The following FAM228A variants were observed in gnomAD, a reference collection of about 807,000 sequenced individuals.
FAM228A encodes family with sequence similarity 228 member A.
FAM228A carries 13 observed loss-of-function variants against 18.6 expected under a neutral mutation model. The ratio of observed to expected loss-of-function variants is 0.70; its 90% CI spans 0.45 to 1.11. The LOEUF (loss-of-function observed/expected upper bound fraction) is 1.11. FAM228A is among the 50% of genes least tolerant of loss of function. The pLI is 0.00. For synonymous variants in FAM228A, 77 were observed against 86.6 expected, an observed-to-expected ratio of 0.89 and a Z score of 0.61; for missense variants, 240 against 242.2, an observed-to-expected ratio of 0.99 and a Z score of 0.06.
At position 24,191,404 on chromosome 2, in the gene FAM228A, CTCTCCAGGGAGTAAGGGAT is replaced by C; in HGVS notation, c.*779_*797del. 1 of 985,350 alleles carries C rather than the reference CTCTCCAGGGAGTAAGGGAT, an allele frequency of 1.0e-6. No individual in the cohort carries two copies. Among genetic ancestry groups the C allele is most frequent in the Non-Finnish European group, 1.2e-6 (1 of 829,814 alleles). 61.0% of individuals were successfully genotyped at this position (985,350 alleles called of 1,614,324 possible). ...GCTCAGTCCCATCGCTGTCCCCGGT[CTCTCCAGGGAGTAAGGGAT>C]TCTCCGTCTGTGGTAAGTTACCTGT... On this transcript the variant is annotated 3_prime_UTR_variant, in exon 6 of 6. Coordinates refer to ENST00000295150, the MANE Select transcript of FAM228A (RefSeq NM_001040710.3).
In FAM228A at chr2:24,175,751, C is replaced by T. The variant is rs1667668685; in HGVS notation, c.93+178C>T. 1.1e-5 allele frequency: 8 copies of T among 751,560 alleles called. No homozygotes were observed. The Admixed American group carries it at 1.9e-4, about 18-fold the overall frequency. The allele number at this position is 751,560 out of a possible 1,614,324, so 46.6% of individuals were successfully genotyped here. A position where few individuals can be genotyped will look rare whatever the true frequency, so the allele number is the denominator to read the frequency against. ...CCGAGAGTGTGGCCAAGAGTGTTTCCAGTCGCCAGCCTGGGGGCTGGCGCA... is the reference window on the plus strand; with the variant it reads ...CCGAGAGTGTGGCCAAGAGTGTTTCTAGTCGCCAGCCTGGGGGCTGGCGCA... On this transcript the variant is annotated intron_variant, in intron 2 of 5. Coordinates refer to ENST00000295150, the MANE Select transcript of FAM228A (RefSeq NM_001040710.3).
chr2:24,186,355 C>T (rs1267475576), intron 5 of FAM228A, among the ~76,000 whole-genome samples: 2 of 152,092 alleles, frequency 1.3e-5, no homozygotes, highest in African/African-American at 4.8e-5. Context: ...ATTCCTTATA[C>T]CTTTTATTTC....
At chr2:24,177,764 C>T in intron 2 of FAM228A, 38 bp from the exon 3 acceptor site, 2 of 1,208,512 alleles carry the variant, frequency 1.7e-6, no homozygotes, top group South Asian at 2.6e-5. Flanking sequence ...TTTGTTTCTT[C>T]AGGATTCACA....
At chr2:24,183,884 C>G (rs186198314) in intron 5 of FAM228A, among the ~76,000 whole-genome samples, 1 of 152,312 alleles carries the variant, frequency 6.6e-6, no homozygotes, top group East Asian at 1.9e-4. Context: ...AGCCTGCCCC[C>G]TCCCGAGACA....
chr2:24,175,806 A>AG (rs1667671617), intron 2 of FAM228A: 1 of 978,932 alleles, frequency 1.0e-6, no homozygotes, highest in East Asian at 3.5e-5. Context: ...GGGCGGGTGA[A>AG]GGCAGCCACC....
At chr2:24,183,135 G>T in intron 3 of FAM228A, 150 bp from the exon 4 acceptor site, 4 of 619,434 alleles carry the variant, frequency 6.5e-6, no homozygotes, top group Non-Finnish European at 8.7e-6. Flanking sequence ...GCAGAGTCCC[G>T]AATAGGTCGT....
chr2:24,186,879 G>A (rs1410276905), intron 5 of FAM228A, among the ~76,000 whole-genome samples: 4 of 152,240 alleles, frequency 2.6e-5, no homozygotes, highest in South Asian at 2.1e-4. Context: ...CAAGTGATCC[G>A]CTCACCTTGG....
At position 24,190,968 on chromosome 2, in the gene FAM228A, A is replaced by C. The variant is rs1668071176; in HGVS notation, c.*337A>C. ...CTACCATTTTCCACTTACTCCATCC[A>C]AACTGCACCAAAGATGGTGTTCTCC... On this transcript the variant is annotated 3_prime_UTR_variant, in exon 6 of 6. Transcript: ENST00000295150. The C allele has an allele frequency of 9.5e-7, 1 of 1,048,856 alleles. No individual in the cohort carries two copies. The highest frequency in any genetic ancestry group is 1.1e-6 in the Non-Finnish European group (1 of 871,208). The allele number at this position is 1,048,856 out of a possible 1,614,324, so 65.0% of individuals were successfully genotyped here.
rs1226053763 is a variant in FAM228A, at chr2:24,176,209, T to TC, written c.93+637dup. ...TTTGTTAACAATCTTACTAGGATGT[T>TC]CTTTAAGAAGGTGACTTCCCAAGAT... is the stretch of plus-strand genomic sequence containing the variant. On this transcript the variant is annotated intron_variant, in intron 2 of 5. Coordinates refer to ENST00000295150, the MANE Select transcript of FAM228A (RefSeq NM_001040710.3). 4 of 984,162 alleles carry TC rather than the reference T, an allele frequency of 4.1e-6. No homozygotes were observed. In the African/African-American group the frequency reaches 7.0e-5, roughly 17 times the overall value. The allele number at this position is 984,162 out of a possible 1,614,324, so 61.0% of individuals were successfully genotyped here.
At position 24,191,682 on chromosome 2, in the gene FAM228A, T is replaced by C. The variant is rs149166917; in HGVS notation, c.*1051T>C. ...ACTCTCTGAGCAAACTGCAAATATATGTTATTAGTAACTGTAGTATCTGTG... is the reference window on the plus strand; with the variant it reads ...ACTCTCTGAGCAAACTGCAAATATACGTTATTAGTAACTGTAGTATCTGTG... On this transcript the variant is annotated 3_prime_UTR_variant, in exon 6 of 6. Coordinates refer to ENST00000295150, the MANE Select transcript of FAM228A (RefSeq NM_001040710.3). 5.9e-5 allele frequency: 10 copies of C among 170,808 alleles called. No individual in the cohort carries two copies. The highest frequency in any genetic ancestry group is 1.2e-4 in the Non-Finnish European group (10 of 84,930). 10.6% of individuals were successfully genotyped at this position (170,808 alleles called of 1,614,324 possible).
At chr2:24,181,905 T>C (rs905209726) in intron 3 of FAM228A, among the ~76,000 whole-genome samples, 3 of 152,234 alleles carry the variant, frequency 2.0e-5, no homozygotes, top group Non-Finnish European at 2.9e-5. Flanking sequence ...GAATTTACAC[T>C]GTGCACAAGG....
At chr2:24,175,636 G>T in intron 2 of FAM228A, 63 bp downstream of exon 2, 1 of 1,232,386 alleles carries the variant, frequency 8.1e-7, no homozygotes, top group East Asian at 2.3e-5. Flanking sequence ...TTTGGGAACT[G>T]TTTATCTTAA....
At chr2:24,179,942 G>C (rs1339942915) in intron 3 of FAM228A, among the ~76,000 whole-genome samples, 1 of 152,152 alleles carries the variant, frequency 6.6e-6, no homozygotes, top group African/African-American at 2.4e-5. Flanking sequence ...GGTATTGCAT[G>C]GCTGACTTAG....
At chr2:24,175,767 G>A (rs967985627) in intron 2 of FAM228A, 194 bp downstream of exon 2, 3 of 789,836 alleles carry the variant, frequency 3.8e-6, no homozygotes, top group African/African-American at 3.5e-5. Flanking sequence ...CCAGCCTGGG[G>A]GCTGGCGCAC....
intron 3 of FAM228A, among the ~76,000 whole-genome samples, chr2:24,180,154 A>G (rs1359732323): frequency 1.3e-5 from 2 of 151,854 alleles, no homozygotes; most frequent in Non-Finnish European, 2.9e-5. Flanking sequence ...CCACATATCT[A>G]GTAGATATCT....
intron 5 of FAM228A, among the ~76,000 whole-genome samples, chr2:24,189,047 C>T (rs1047860551): frequency 1.3e-5 from 2 of 151,556 alleles, no homozygotes; most frequent in Non-Finnish European, 2.9e-5. Context: ...AATTACATAG[C>T]CCCCCCACCC....
chr2:24,179,151 A>G, intron 3 of FAM228A: 1 of 1,157,228 alleles, frequency 8.6e-7, no homozygotes, highest in South Asian at 1.8e-5. Context: ...ACTTTTAAGG[A>G]AAGAAGAAAA....
intron 5 of FAM228A, among the ~76,000 whole-genome samples, chr2:24,183,976 G>GTATCCTT (rs1342878714): frequency 2.6e-5 from 4 of 151,988 alleles, no homozygotes; most frequent in Non-Finnish European, 5.9e-5. Context: ...AACTAACTTT[G>GTATCCTT]TATCCTTAAA....
At chr2:24,177,674 C>T in intron 2 of FAM228A, 128 bp from the exon 3 acceptor site, 1 of 547,530 alleles carries the variant, frequency 1.8e-6, no homozygotes, top group South Asian at 2.8e-5. Flanking sequence ...TAGAAATTTT[C>T]CATATTTTTA....
Sources: gnomAD v4.1 joint callset for allele counts (sites outside exome capture counted in the v4.1 genomes callset) on GRCh38, gnomAD v4.1.1 for gene constraint, MANE v1.5 for transcripts, NCBI Gene and HGNC (gene_info 2026-07-23, HGNC 2026-07-21) for gene names.